The following ADAR variants were observed in gnomAD, a reference collection of about 807,000 sequenced individuals.
ADAR encodes the protein adenosine deaminase RNA specific.
Under a neutral mutation model 113.2 loss-of-function variants are expected in ADAR, and 41 were observed. The ratio of observed to expected loss-of-function variants is 0.36; its 90% confidence interval spans 0.28 to 0.47. The LOEUF (loss-of-function observed/expected upper bound fraction) is 0.47. Among genes scored for constraint, ADAR ranks in the 20% least tolerant of loss-of-function variants. ADAR has a pLI of 1.00. For synonymous variants in ADAR, 605 were observed against 572.6 expected (o/e 1.06, Z -0.81); for missense variants, 1,242 against 1,540.9 (o/e 0.81, Z 3.25).
intron 1 of ADAR, among the ~76,000 whole-genome samples, chr1:154,622,497 C>G (rs1483428344): frequency 6.6e-6 from 1 of 152,146 alleles, no homozygotes; most frequent in Non-Finnish European, 1.5e-5. Flanking sequence ...CTTGTAAGTG[C>G]TTAAATAAAT....
At chr1:154,627,548 C>G (rs1180181778) in intron 1 of ADAR, among the ~76,000 whole-genome samples, 1 of 152,236 alleles carries the variant, frequency 6.6e-6, no homozygotes, top group Non-Finnish European at 1.5e-5. Flanking sequence ...TACCCAGCTG[C>G]TGGGCTCCGG....
In ADAR at chr1:154,596,948, C is replaced by T; in HGVS notation, c.2127G>A (p.Met709Ile). The change falls in exon 6 of 15, where the codon ATG (methionine) becomes ATA (isoleucine). Residue 709 changes from methionine to isoleucine, a missense_variant. Met to Ile is a conservative substitution (Grantham distance 10). This residue lies in a region of ADAR where 780 missense variants were observed against 1,057.9 expected (regional missense o/e 0.74). Transcript: ENST00000368474. ...CGCCAATCTTCCTGACCTTGTTGGG[C>T]ATCATGGATTCCAAGTTATCAAGTG... is the stretch of plus-strand genomic sequence containing the variant. ...SESLDNLESM[M>I]PNKVRKIGEL... 6.2e-7 allele frequency: 1 copy of T among 1,614,160 alleles called. No individual in the cohort carries two copies. Among genetic ancestry groups the T allele is most frequent in the East Asian group, 2.2e-5 (1 of 44,884 alleles).
At chr1:154,609,809 G>A (rs1571135964), upstream of ADAR, among the ~76,000 whole-genome samples, 1 of 152,318 alleles carries the variant, frequency 6.6e-6, no homozygotes, top group Admixed American at 6.5e-5. Flanking sequence ...ACACAAATAA[G>A]AGCGCCATCC....
chr1:154,619,162 T>A lies in ADAR; in HGVS notation c.-871+8693A>T, dbSNP rs951384659. Reference sequence around the variant, plus strand: ...GGCCTACGCTAGAACTATGCCTCCCTTTCTGAGAGTGCCCTGATTCTGTCC... The same window carrying A: ...GGCCTACGCTAGAACTATGCCTCCCATTCTGAGAGTGCCCTGATTCTGTCC... On this transcript the variant is annotated intron_variant, in intron 1 of 14. Transcript: ENST00000368471. Among the ~76,000 whole-genome samples, 4 of 152,202 alleles carry A rather than the reference T, an allele frequency of 2.6e-5. No homozygotes were observed. The South Asian group carries it at 8.3e-4, about 31-fold the overall frequency.
chr1:154,585,600 A>G (rs924070536), intron 13 of ADAR, 153 bp downstream of exon 13: 2 of 869,064 alleles, frequency 2.3e-6, no homozygotes, highest in Admixed American at 4.6e-5. Context: ...GAGACCAACC[A>G]ATGTTGGTGG....
At chr1:154,615,501 CT>C (rs551493417) in intron 1 of ADAR, among the ~76,000 whole-genome samples, 384 of 152,302 alleles carry the variant, frequency 2.5e-3, no homozygotes, top group Non-Finnish European at 3.7e-3. Flanking sequence ...TCTCAAACTC[CT>C]GGGCTCAAGC....
upstream of ADAR, among the ~76,000 whole-genome samples, chr1:154,610,480 A>C (rs1264699022): frequency 1.3e-5 from 2 of 152,184 alleles, no homozygotes; most frequent in African/African-American, 4.8e-5. Flanking sequence ...GAAAGTCCCA[A>C]GCCAGGCAAA....
At chr1:154,606,935 TA>T (rs3058643) in intron 1 of ADAR, among the ~76,000 whole-genome samples, 69 of 32,618 alleles carry the variant, frequency 2.1e-3, no homozygotes, top group African/African-American at 5.7e-3. Context: ...AAGGAGTGCT[TA>T]AAAAAAAAAA....
chr1:154,584,753 C>T lies in ADAR; in HGVS notation c.*53G>A. 1 of 1,449,976 alleles carries T rather than the reference C, an allele frequency of 6.9e-7. No individual in the cohort carries two copies. The highest frequency in any genetic ancestry group is 1.1e-5 in the South Asian group (1 of 87,528). 89.8% of individuals were successfully genotyped at this position (1,449,976 alleles called of 1,614,324 possible). ...ATGTGATGAGGAATGCTACGACCTA[C>T]CTCTCTCACACCCTAGTATGACACA... On this transcript the variant is annotated 3_prime_UTR_variant, in exon 15 of 15. Transcript: ENST00000368474.
chr1:154,626,182 T>C (rs550834431), intron 1 of ADAR, among the ~76,000 whole-genome samples: 4 of 149,176 alleles, frequency 2.7e-5, no homozygotes, highest in African/African-American at 4.9e-5. Context: ...ATGGTGGATA[T>C]TGGCTCACTG....
chr1:154,595,829 C>T (rs545252430), intron 6 of ADAR, among the ~76,000 whole-genome samples: 1 of 152,340 alleles, frequency 6.6e-6, no homozygotes, highest in Non-Finnish European at 1.5e-5. Context: ...GGCTGACTCA[C>T]CCACAGCAAC....
intron 13 of ADAR, 192 bp from the exon 14 acceptor site, chr1:154,585,536 A>G: frequency 1.1e-6 from 1 of 946,790 alleles, no homozygotes; most frequent in South Asian, 1.5e-5. Flanking sequence ...TTAATTCCAG[A>G]CTAAGAGAAG....
At position 154,602,400 on chromosome 1, in the gene ADAR, G is replaced by C; in HGVS notation, c.242C>G (p.Ser81Cys). 1.2e-6 allele frequency: 2 copies of C among 1,604,434 alleles called. No homozygotes were observed. The highest frequency in any genetic ancestry group is 8.5e-7 in the Non-Finnish European group (1 of 1,174,248). ...LRPRFPVLLA[S>C]STRGRQVDIR... Reference sequence around the variant, plus strand: ...GTCCACTTGCCTGCCTCTGGTACTGGAGGCAAGTAGTACTGGAAACCTTGG... The same window carrying C: ...GTCCACTTGCCTGCCTCTGGTACTGCAGGCAAGTAGTACTGGAAACCTTGG... Residue 81 changes from serine to cysteine, a missense_variant, in exon 2 of 15, where the codon TCC becomes TGC. Physicochemically the swap from Ser to Cys is moderately radical, Grantham distance 112. Transcript: ENST00000368474.
intron 6 of ADAR, among the ~76,000 whole-genome samples, chr1:154,592,296 A>C (rs1304206606): frequency 1.3e-5 from 2 of 152,124 alleles, no homozygotes; most frequent in Non-Finnish European, 1.5e-5. Flanking sequence ...CTCCTTCCTA[A>C]GTCAAACTGT....
intron 1 of ADAR, among the ~76,000 whole-genome samples, chr1:154,619,198 G>A (rs1698719038): frequency 6.6e-6 from 1 of 152,198 alleles, no homozygotes; most frequent in Admixed American, 6.5e-5. Context: ...ACTTTCCTAA[G>A]AAGGCCAGGT....
At chr1:154,600,625 C>G (rs1295508277) in intron 2 of ADAR, 2 of 271,936 alleles carry the variant, frequency 7.4e-6, no homozygotes, top group Non-Finnish European at 7.2e-6. Flanking sequence ...AGGTGCACGC[C>G]ACCACGCCCA....
At chr1:154,592,674 G>A (rs987464637) in intron 6 of ADAR, among the ~76,000 whole-genome samples, 1 of 152,128 alleles carries the variant, frequency 6.6e-6, no homozygotes, top group Non-Finnish European at 1.5e-5. Flanking sequence ...GTAGACAGTG[G>A]TATCACTTAC....
chr1:154,589,331 C>T lies in ADAR; in HGVS notation c.2762+38G>A, dbSNP rs372566907. The T allele has an allele frequency of 3.9e-5, 61 of 1,558,102 alleles. No individual in the cohort carries two copies. The African/African-American group carries it at 7.7e-4, about 20-fold the overall frequency. On this transcript the variant is annotated intron_variant, in intron 9 of 14. Coordinates refer to ENST00000368474, the MANE Select transcript of ADAR (RefSeq NM_001111.5). ...TGGGGCAGGGAACTGGAGCTCTCCACAGCCGGGCAGCCGGGCCACAGCTCT... is the reference window on the plus strand; with the variant it reads ...TGGGGCAGGGAACTGGAGCTCTCCATAGCCGGGCAGCCGGGCCACAGCTCT...
rs1696925593 is a variant in ADAR at position 154,588,645 on chromosome 1, T to C, written c.2791A>G (p.Asn931Asp). ...RFLYSELMKY[N>D]SQTAKDSIFE... is the part of the protein sequence containing the mutation. ...ATACTATCCTTCGCAGTCTGGGAGT[T>C]GTATTTCATTAACTCACTGTAGAGA... The change falls in exon 10 of 15, where the codon AAC becomes GAC. Residue 931 changes from asparagine (N) to aspartate (D), a missense_variant. Asn to Asp is a conservative substitution (Grantham distance 23, BLOSUM62 1). Coordinates refer to ENST00000368474, the MANE Select transcript of ADAR (RefSeq NM_001111.5). 6.2e-7 allele frequency: 1 copy of C among 1,614,118 alleles called. No individual in the cohort carries two copies. Among genetic ancestry groups the C allele is most frequent in the African/African-American group, 1.3e-5 (1 of 74,940 alleles).
Sources: gnomAD v4.1 joint callset for allele counts (sites outside exome capture counted in the v4.1 genomes callset) on GRCh38, gnomAD v4.1.1 for gene constraint, gnomAD v4.1.1 regional missense constraint, MANE v1.5 for transcripts, NCBI Gene and HGNC (gene_info 2026-07-23, HGNC 2026-07-21) for gene names.